Variants in GNAQ observed in about 807,000 individuals in gnomAD.
GNAQ encodes the protein guanine nucleotide-binding protein G(q) subunit alpha.
Under a neutral mutation model 43.9 loss-of-function variants are expected in GNAQ, and 8 were observed. That is an observed-to-expected ratio of 0.18 (90% CI 0.11 to 0.33). The LOEUF is 0.33. Among genes scored for constraint, GNAQ ranks in the 10% least tolerant of loss-of-function variants. The probability of loss-of-function intolerance (pLI) is 1.00; values close to 1 mark genes in which losing one functional copy is unlikely to be tolerated. For missense variants in GNAQ, 158 were observed against 450.8 expected (o/e 0.35, Z 5.88); for synonymous variants, 155 against 170.7 (o/e 0.91, Z 0.71).
intron 5 of GNAQ, among the ~76,000 whole-genome samples, chr9:77,762,313 C>T (rs1290877344): frequency 6.8e-6 from 1 of 147,924 alleles, no homozygotes; most frequent in African/African-American, 2.5e-5. Flanking sequence ...GGTCAGCCCC[C>T]CGCCCGGCCA....
intron 2 of GNAQ, among the ~76,000 whole-genome samples, chr9:77,900,704 T>C (rs1267833460): frequency 6.6e-6 from 1 of 152,110 alleles, no homozygotes; most frequent in Non-Finnish European, 1.5e-5. Flanking sequence ...CTCCATGCAG[T>C]TTTTTTCCTT....
chr9:77,890,454 T>A (rs551256392), intron 2 of GNAQ, among the ~76,000 whole-genome samples: 1 of 152,332 alleles, frequency 6.6e-6, no homozygotes, highest in African/African-American at 2.4e-5. Context: ...CTGGGCACAG[T>A]GGCTCATGCC....
At chr9:77,951,774 G>C (rs1822980686) in intron 1 of GNAQ, among the ~76,000 whole-genome samples, 1 of 152,108 alleles carries the variant, frequency 6.6e-6, no homozygotes, top group South Asian at 2.1e-4. Flanking sequence ...GTGGTGAAGG[G>C]GGTCATCTCG....
chr9:77,813,296 T>G (rs551046633), intron 3 of GNAQ, among the ~76,000 whole-genome samples: 2 of 152,326 alleles, frequency 1.3e-5, no homozygotes, highest in African/African-American at 4.8e-5. Flanking sequence ...AATAATCATT[T>G]GAAGGAGTTT....
rs1827147362 is a variant in GNAQ at position 77,823,542 on chromosome 9, T to C, written c.322-7772A>G. 5.9e-5 allele frequency among the ~76,000 whole-genome samples: 9 copies of C among 152,114 alleles called. No individual in the cohort carries two copies. The South Asian group carries it at 1.9e-3, about 32-fold the overall frequency. Reference sequence around the variant, plus strand: ...AAGAACTACCTGAGACTGGATAATTTATGAAGAAAAGAGGTTAACTGACTC... The same window carrying C: ...AAGAACTACCTGAGACTGGATAATTCATGAAGAAAAGAGGTTAACTGACTC... On this transcript the variant is annotated intron_variant, in intron 2 of 6. Coordinates refer to ENST00000286548, the MANE Select transcript of GNAQ (RefSeq NM_002072.5).
At chr9:77,923,866 A>G (rs1436174337) in intron 1 of GNAQ, among the ~76,000 whole-genome samples, 12 of 152,172 alleles carry the variant, frequency 7.9e-5, no homozygotes, top group Non-Finnish European at 1.8e-4. Context: ...AAAAGCTAGT[A>G]ATACGCCATC....
chr9:77,983,257 G>A (rs74550689), intron 1 of GNAQ, among the ~76,000 whole-genome samples: 32,832 of 152,188 alleles, frequency 0.22, 3,734 homozygotes, highest in South Asian at 0.37. Flanking sequence ...GGAGTGCTGA[G>A]CATCAAAATC....
At chr9:77,854,423 A>G (rs1827719437) in intron 2 of GNAQ, among the ~76,000 whole-genome samples, 1 of 152,216 alleles carries the variant, frequency 6.6e-6, no homozygotes, top group Admixed American at 6.5e-5. Flanking sequence ...GGAAAACAGG[A>G]AAGATTTGTC....
intron 3 of GNAQ, among the ~76,000 whole-genome samples, chr9:77,804,395 C>A (rs185112201): frequency 1.3e-5 from 2 of 152,090 alleles, no homozygotes; most frequent in African/African-American, 4.8e-5. Flanking sequence ...CCAGGTGTGG[C>A]GGCATGTGCC....
chr9:77,835,211 C>A (rs536069590), intron 2 of GNAQ, among the ~76,000 whole-genome samples: 1 of 151,996 alleles, frequency 6.6e-6, no homozygotes, highest in South Asian at 2.1e-4. Context: ...TTCTGGATTT[C>A]TCCATTTAAT....
intron 2 of GNAQ, among the ~76,000 whole-genome samples, chr9:77,885,097 G>A (rs1156772159): frequency 2.0e-5 from 3 of 152,112 alleles, no homozygotes; most frequent in East Asian, 1.9e-4. Context: ...ACAGAGTTTC[G>A]GATGGGTTTT....
chr9:77,829,720 CT>C (rs906726935), intron 2 of GNAQ, among the ~76,000 whole-genome samples: 2 of 152,100 alleles, frequency 1.3e-5, no homozygotes, highest in African/African-American at 4.8e-5. Flanking sequence ...CGCCTTAGAG[CT>C]TATAAGAAAT....
intron 1 of GNAQ, among the ~76,000 whole-genome samples, chr9:77,989,012 T>C (rs1277120355): frequency 1.3e-5 from 2 of 152,210 alleles, no homozygotes; most frequent in Non-Finnish European, 2.9e-5. Context: ...TGCCAGAGAT[T>C]ACATAAGAAT....
intron 1 of GNAQ, among the ~76,000 whole-genome samples, chr9:77,973,518 T>C (rs186927105): frequency 4.7e-5 from 7 of 149,784 alleles, no homozygotes; most frequent in East Asian, 1.9e-4. Flanking sequence ...GAGGGAAACA[T>C]AGAAATAGGA....
intron 1 of GNAQ, among the ~76,000 whole-genome samples, chr9:77,982,513 G>A (rs972958376): frequency 1.7e-4 from 26 of 152,088 alleles, no homozygotes; most frequent in Non-Finnish European, 3.4e-4. Context: ...TGACATGGGG[G>A]ACGGGGAGAC....
At chr9:77,996,801 T>G (rs1322336411) in intron 1 of GNAQ, among the ~76,000 whole-genome samples, 1 of 152,228 alleles carries the variant, frequency 6.6e-6, no homozygotes, top group Non-Finnish European at 1.5e-5. Flanking sequence ...GTAACCCTTA[T>G]ATTTCACAGG....
Position 77,957,577 on chromosome 9 carries a change from T to C in GNAQ, c.137-35232A>G, listed in dbSNP as rs1051396687. 9.1e-4 allele frequency among the ~76,000 whole-genome samples: 139 copies of C among 152,152 alleles called. 1 individual carries two copies. Among genetic ancestry groups the C allele is most frequent in the Admixed American group, 9.0e-3 (138 of 15,274 alleles). ...GAGAAAAGCAAGGGGAATTTGCTTG[T>C]TTTTTCCAACTAGGTCAGATTCACA... On this transcript the variant is annotated intron_variant, in intron 1 of 6. Coordinates refer to ENST00000286548, the MANE Select transcript of GNAQ (RefSeq NM_002072.5).
At chr9:77,800,940 C>T (rs1826735232) in intron 3 of GNAQ, among the ~76,000 whole-genome samples, 1 of 152,152 alleles carries the variant, frequency 6.6e-6, no homozygotes, top group South Asian at 2.1e-4. Context: ...GGCAAGGCTG[C>T]TCAGAAATAT....
chr9:78,000,912 G>A (rs1340233301), intron 1 of GNAQ, among the ~76,000 whole-genome samples: 1 of 152,082 alleles, frequency 6.6e-6, no homozygotes, highest in Admixed American at 6.6e-5. Context: ...CAGAACAAAT[G>A]CACCAACCAA....
Sources: gnomAD v4.1 joint callset for allele counts (sites outside exome capture counted in the v4.1 genomes callset) on GRCh38, gnomAD v4.1.1 for gene constraint, MANE v1.5 for transcripts, NCBI Gene and HGNC (gene_info 2026-07-23, HGNC 2026-07-21) for gene names.